Variants in EYA4 observed in about 807,000 individuals in gnomAD.
The protein encoded by EYA4 is protein phosphatase EYA4.
A neutral mutation model predicts 87.9 loss-of-function variants in EYA4; 31 were observed. That is an observed-to-expected ratio of 0.35 (90% CI 0.27 to 0.48). The LOEUF (loss-of-function observed/expected upper bound fraction) is 0.48, where lower values mean the gene tolerates loss of function less well. Ranked by LOEUF, EYA4 falls within the 20% of genes least tolerant of loss-of-function variation. The probability of loss-of-function intolerance (pLI) is 0.99; values close to 1 mark genes in which losing one functional copy is unlikely to be tolerated. For missense variants in EYA4, 678 were observed against 761.4 expected (o/e 0.89, Z 1.29); for synonymous variants, 263 against 270.6 (o/e 0.97, Z 0.28).
intron 13 of EYA4, among the ~76,000 whole-genome samples, chr6:133,495,267 T>C (rs1271146233): frequency 6.7e-6 from 1 of 150,068 alleles, no homozygotes; most frequent in African/African-American, 2.5e-5. Context: ...AGACTCTGTC[T>C]CAAAAAAAAG....
chr6:133,452,839 TA>T (rs920257440), intron 5 of EYA4: 1 of 152,100 alleles, frequency 6.6e-6, no homozygotes, highest in Non-Finnish European at 1.5e-5. Context: ...ATGCCACTTT[TA>T]GCAAAACGAG....
At chr6:133,405,786 G>A (rs1194586618) in intron 3 of EYA4, among the ~76,000 whole-genome samples, 1 of 152,054 alleles carries the variant, frequency 6.6e-6, no homozygotes, top group African/African-American at 2.4e-5. Flanking sequence ...GAGAATGAAT[G>A]GGGGGAAGGG....
At chr6:133,462,571 GA>G in intron 8 of EYA4, 49 bp from the exon 9 acceptor site, 1 of 1,613,304 alleles carries the variant, frequency 6.2e-7, no homozygotes. Context: ...AACTTAGAAG[GA>G]AAATCATCTT....
intron 2 of EYA4, among the ~76,000 whole-genome samples, chr6:133,340,200 G>GT (rs1324467970): frequency 2.6e-5 from 4 of 152,102 alleles, no homozygotes; most frequent in Non-Finnish European, 4.4e-5. Flanking sequence ...GTCATTCCAT[G>GT]CTTTTTCTGT....
intron 1 of EYA4, among the ~76,000 whole-genome samples, chr6:133,273,940 G>C (rs935250021): frequency 3.3e-5 from 5 of 151,836 alleles, no homozygotes; most frequent in Admixed American, 1.3e-4. Context: ...TGTTTTAAAA[G>C]AGAGAGCAAG....
chr6:133,405,002 T>C lies in EYA4; in HGVS notation c.83+22561T>C, dbSNP rs1336532. Among the ~76,000 whole-genome samples the C allele has an allele frequency of 1.0e-2, 1,517 of 152,296 alleles. 31 individuals are homozygous for C. Among genetic ancestry groups the C allele is most frequent in the African/African-American group, 0.034 (1,428 of 41,556 alleles). On this transcript the variant is annotated intron_variant, in intron 3 of 19. Coordinates refer to ENST00000355286, the MANE Select transcript of EYA4 (RefSeq NM_004100.5). ...AGACATGCTATTCTCTGCTTGAACA[T>C]AGTCGCTCTTAGTTCCTCAACTTTT... is the stretch of plus-strand genomic sequence containing the variant.
At chr6:133,320,065 T>C (rs1373886116) in intron 2 of EYA4, among the ~76,000 whole-genome samples, 1 of 152,012 alleles carries the variant, frequency 6.6e-6, no homozygotes, top group Admixed American at 6.6e-5. Flanking sequence ...GAATAGGGAG[T>C]TTGTTATTTA....
chr6:133,458,750 C>T (rs1794124391), intron 6 of EYA4, among the ~76,000 whole-genome samples: 1 of 152,108 alleles, frequency 6.6e-6, no homozygotes, highest in Non-Finnish European at 1.5e-5. Flanking sequence ...CTTCTCATCC[C>T]ATTGAGAGTC....
intron 3 of EYA4, among the ~76,000 whole-genome samples, chr6:133,386,741 G>C (rs1033588410): frequency 6.6e-6 from 1 of 152,180 alleles, no homozygotes; most frequent in Non-Finnish European, 1.5e-5. Context: ...TCCTTTAGTA[G>C]CTTTGTTTCA....
intron 2 of EYA4, among the ~76,000 whole-genome samples, chr6:133,279,223 G>A (rs1054260633): frequency 5.9e-5 from 9 of 152,154 alleles, no homozygotes; most frequent in East Asian, 1.9e-4. Flanking sequence ...TAAAACATTC[G>A]TGAATATTAA....
chr6:133,350,965 A>G (rs985630970), intron 2 of EYA4, among the ~76,000 whole-genome samples: 6 of 151,194 alleles, frequency 4.0e-5, no homozygotes, highest in African/African-American at 1.2e-4. Context: ...TTCTGGGCCT[A>G]TTTCTAATGA....
At chr6:133,310,365 C>A (rs1010197934) in intron 2 of EYA4, among the ~76,000 whole-genome samples, 2 of 152,102 alleles carry the variant, frequency 1.3e-5, no homozygotes, top group African/African-American at 4.8e-5. Flanking sequence ...TATCTCCCAC[C>A]AATATGTTAT....
At position 133,318,265 on chromosome 6, in the gene EYA4, C is replaced by T. The variant is rs528308609; in HGVS notation, c.33+43452C>T. 9.9e-5 allele frequency among the ~76,000 whole-genome samples: 15 copies of T among 152,048 alleles called. No homozygotes were observed. The South Asian group carries it at 2.5e-3, about 25-fold the overall frequency. ...TGTGACTCTTCTTTTTTATTGACTTCGCTGATGATAGAACTTAGGGGAAAA... is the reference window on the plus strand; with the variant it reads ...TGTGACTCTTCTTTTTTATTGACTTTGCTGATGATAGAACTTAGGGGAAAA... On this transcript the variant is annotated intron_variant, in intron 2 of 19. Transcript: ENST00000355286.
At chr6:133,519,324 A>G (rs1209282910) in intron 17 of EYA4, among the ~76,000 whole-genome samples, 5 of 152,026 alleles carry the variant, frequency 3.3e-5, no homozygotes, top group Admixed American at 6.6e-5. Context: ...TATCACCACC[A>G]ATCCCACAGA....
At chr6:133,310,308 A>G (rs1020831304) in intron 2 of EYA4, among the ~76,000 whole-genome samples, 16 of 152,156 alleles carry the variant, frequency 1.1e-4, no homozygotes, top group Non-Finnish European at 2.4e-4. Context: ...CTTGAAAACT[A>G]CTTCACTATC....
Position 133,293,985 on chromosome 6 carries a change from C to T in EYA4, c.33+19172C>T, listed in dbSNP as rs1371847772. On this transcript the variant is annotated intron_variant, in intron 2 of 19. Coordinates refer to ENST00000355286, the MANE Select transcript of EYA4 (RefSeq NM_004100.5). ...GATATTATTTTACATATATATATTA[C>T]ATATATATATAAAATTCCTGTGCTC... 4.3e-5 allele frequency among the ~76,000 whole-genome samples: 5 copies of T among 117,458 alleles called. No individual in the cohort carries two copies. In the East Asian group the frequency reaches 6.9e-4, roughly 16 times the overall value. The allele number at this position is 117,458 out of a possible 152,430, so 77.1% of individuals were successfully genotyped here. A position where few individuals can be genotyped will look rare whatever the true frequency, so the allele number is the denominator to read the frequency against.
intron 16 of EYA4, among the ~76,000 whole-genome samples, chr6:133,513,535 G>A (rs1319882077): frequency 6.6e-5 from 10 of 152,106 alleles, no homozygotes; most frequent in Non-Finnish European, 1.2e-4. Flanking sequence ...CATGTTTTAT[G>A]TCAGTGTATC....
chr6:133,476,800 G>A (rs536115922), intron 11 of EYA4, among the ~76,000 whole-genome samples: 9 of 152,110 alleles, frequency 5.9e-5, no homozygotes, highest in East Asian at 3.9e-4. Flanking sequence ...TGGTAGTTCC[G>A]TTTTTAGGAA....
At chr6:133,248,703 G>A (rs1562203575) in intron 1 of EYA4, 1 of 152,142 alleles carries the variant, frequency 6.6e-6, no homozygotes, top group Non-Finnish European at 1.5e-5. Context: ...TTCATGTGCG[G>A]TTATGACTCA....
Sources: gnomAD v4.1 joint callset for allele counts (sites outside exome capture counted in the v4.1 genomes callset) on GRCh38, gnomAD v4.1.1 for gene constraint, MANE v1.5 for transcripts, NCBI Gene and HGNC (gene_info 2026-07-23, HGNC 2026-07-21) for gene names.